Variants in JARID2 observed in about 807,000 individuals in gnomAD.
The protein encoded by JARID2 is jumonji and AT-rich interaction domain containing 2.
Under a neutral mutation model 125.6 loss-of-function variants are expected in JARID2, and 21 were observed. The observed-to-expected ratio is 0.17, with a 90% CI of 0.12 to 0.24. JARID2 has a LOEUF of 0.24. JARID2 is among the 10% of genes least tolerant of loss of function. The pLI is 1.00. For synonymous variants in JARID2, 736 were observed against 661.6 expected (o/e 1.11, Z -1.73); for missense variants, 1,303 against 1,639.6 (o/e 0.79, Z 3.55).
Position 15,401,216 on chromosome 6 carries a change from A to T in JARID2, c.182-9008A>T, listed in dbSNP as rs1765420883. 3.3e-5 allele frequency among the ~76,000 whole-genome samples: 5 copies of T among 152,096 alleles called. No individual in the cohort carries two copies. The South Asian group carries it at 8.3e-4, about 25-fold the overall frequency. ...GTGTTGCAATTTGCTTAATATTAAT[A>T]TTCTTTTAGCTTTGATATCCTCCCT... On this transcript the variant is annotated intron_variant, in intron 2 of 17. Coordinates refer to ENST00000341776, the MANE Select transcript of JARID2 (RefSeq NM_004973.4).
At chr6:15,395,224 A>T (rs1765173551) in intron 2 of JARID2, among the ~76,000 whole-genome samples, 1 of 152,158 alleles carries the variant, frequency 6.6e-6, no homozygotes, top group African/African-American at 2.4e-5. Context: ...TACTTTTGTC[A>T]GAGTCAGAAA....
Position 15,496,385 on chromosome 6 carries a change from G to T in JARID2, c.1160G>T (p.Arg387Leu). 6.2e-7 allele frequency: 1 copy of T among 1,614,086 alleles called. No homozygotes were observed. The highest frequency in any genetic ancestry group is 1.1e-5 in the South Asian group (1 of 91,090). The change falls in exon 7 of 18, where the codon CGC (arginine) becomes CTC (leucine). Residue 387 changes from arginine (R) to leucine (L), a missense_variant. Arg to Leu is a moderately radical substitution (Grantham distance 102). Coordinates refer to ENST00000341776, the MANE Select transcript of JARID2 (RefSeq NM_004973.4). The stretch of plus-strand genomic sequence containing the variant: ...ACTGAAAGTAGCAATGCAAAAACCC[G>T]CAAACAGGTGCTATCCCTCGGGGGG... ...GKTESSNAKTRKQVLSLGGAS... is the reference protein window; with the variant it reads ...GKTESSNAKTLKQVLSLGGAS...
intron 4 of JARID2, among the ~76,000 whole-genome samples, chr6:15,462,461 A>T (rs748686496): frequency 6.6e-6 from 1 of 152,256 alleles, no homozygotes; most frequent in Non-Finnish European, 1.5e-5. Flanking sequence ...TGATACATAC[A>T]TACGTAGATT....
chr6:15,365,479 CAGACGCAAAAG>C (rs1439527327), intron 1 of JARID2, among the ~76,000 whole-genome samples: 1 of 152,162 alleles, frequency 6.6e-6, no homozygotes, highest in East Asian at 1.9e-4. Flanking sequence ...CTGACATGCT[CAGACGCAAAAG>C]AGCTGACTTG....
chr6:15,517,769 A>C (rs1402008095), intron 17 of JARID2, among the ~76,000 whole-genome samples: 2 of 152,196 alleles, frequency 1.3e-5, no homozygotes, highest in Admixed American at 1.3e-4. Context: ...GGTCATAACA[A>C]CACACAGCCT....
intron 3 of JARID2, among the ~76,000 whole-genome samples, chr6:15,444,630 A>G (rs1175125810): frequency 6.6e-6 from 1 of 150,892 alleles, no homozygotes; most frequent in East Asian, 1.9e-4. Context: ...TTTTTTTTGA[A>G]TAGGCCTTTC....
At position 15,497,601 on chromosome 6, in the gene JARID2, A is replaced by C. The variant is rs1286424973; in HGVS notation, c.1945+431A>C. The stretch of plus-strand genomic sequence containing the variant: ...AGGAGGCGGAGCTTGCAGTGAGCCG[A>C]GATCACACCACTGCACTCCAGCCTG... On this transcript the variant is annotated intron_variant, in intron 7 of 17. Transcript: ENST00000341776. Among the ~76,000 whole-genome samples the C allele has an allele frequency of 4.0e-5, 6 of 150,624 alleles. No individual in the cohort carries two copies. The East Asian group carries it at 1.2e-3, about 30-fold the overall frequency.
intron 1 of JARID2, among the ~76,000 whole-genome samples, chr6:15,298,045 T>C (rs997019702): frequency 6.6e-6 from 1 of 152,226 alleles, no homozygotes; most frequent in African/African-American, 2.4e-5. Flanking sequence ...TCCTTTCCTC[T>C]TCTTAGGAGC....
Position 15,515,826 on chromosome 6 carries a change from C to T in JARID2, c.3451-1335C>T, listed in dbSNP as rs570476124. On this transcript the variant is annotated intron_variant, in intron 16 of 17. Coordinates refer to ENST00000341776, the MANE Select transcript of JARID2 (RefSeq NM_004973.4). The stretch of plus-strand genomic sequence containing the variant: ...ATCCCAGCACTTTGGGAGGCTGAGG[C>T]GGGCCAATCACAGCCTGGCCAACAT... Among the ~76,000 whole-genome samples, 271 of 151,524 alleles carry T rather than the reference C, an allele frequency of 1.8e-3. 3 individuals are homozygous for T. Among genetic ancestry groups the T allele is most frequent in the African/African-American group, 6.2e-3 (257 of 41,314 alleles).
chr6:15,380,987 G>C (rs1189413748), intron 2 of JARID2, among the ~76,000 whole-genome samples: 1 of 152,070 alleles, frequency 6.6e-6, no homozygotes, highest in Non-Finnish European at 1.5e-5. Context: ...TTCAGGTCTA[G>C]CTGTACTAGA....
At chr6:15,251,944 G>A (rs1298368026) in intron 1 of JARID2, among the ~76,000 whole-genome samples, 2 of 151,810 alleles carry the variant, frequency 1.3e-5, no homozygotes, top group Non-Finnish European at 2.9e-5. Flanking sequence ...CCTGGGAGGC[G>A]GAGGTTGCAG....
chr6:15,248,093 G>A (rs1032354930), intron 1 of JARID2: 3 of 985,314 alleles, frequency 3.0e-6, no homozygotes, highest in Non-Finnish European at 3.6e-6. Context: ...GCGTTCAGCG[G>A]ATCGTGTCTC....
At chr6:15,349,303 G>C (rs1387596789) in intron 1 of JARID2, among the ~76,000 whole-genome samples, 1 of 152,148 alleles carries the variant, frequency 6.6e-6, no homozygotes, top group African/African-American at 2.4e-5. Context: ...CATCTGGATG[G>C]AATTTTGTGG....
chr6:15,496,192 A>G lies in JARID2; in HGVS notation c.967A>G (p.Lys323Glu). The G allele has an allele frequency of 6.2e-7, 1 of 1,614,166 alleles. No individual in the cohort carries two copies. Among genetic ancestry groups the G allele is most frequent in the Non-Finnish European group, 8.5e-7 (1 of 1,180,032 alleles). ...TCTGGGTGCAGGTGTAACCAGTGCC[A>G]AAAAGATGCGCGAGGTCAGACCTTC... ...SSLGAGVTSA[K>E]KMREVRPSPS... The change falls in exon 7 of 18, where the codon AAA becomes GAA. Residue 323 changes from lysine to glutamate, a missense_variant. Transcript: ENST00000341776.
intron 12 of JARID2, among the ~76,000 whole-genome samples, chr6:15,510,979 T>C (rs552990263): frequency 6.6e-6 from 1 of 152,332 alleles, no homozygotes; most frequent in African/African-American, 2.4e-5. Flanking sequence ...TTCTGATTTC[T>C]AGGGGTTTGT....
At chr6:15,360,258 C>T (rs543061183) in intron 1 of JARID2, among the ~76,000 whole-genome samples, 8 of 152,056 alleles carry the variant, frequency 5.3e-5, no homozygotes, top group South Asian at 2.1e-4. Flanking sequence ...TCTCAGTTCA[C>T]GGCAATGCCT....
intron 1 of JARID2, among the ~76,000 whole-genome samples, chr6:15,373,513 G>A (rs1561820218): frequency 6.6e-6 from 1 of 152,186 alleles, no homozygotes; most frequent in African/African-American, 2.4e-5. Context: ...CATGCCAGTT[G>A]TATGCCGCCA....
At chr6:15,362,672 C>T (rs777781600) in intron 1 of JARID2, among the ~76,000 whole-genome samples, 26 of 151,972 alleles carry the variant, frequency 1.7e-4, no homozygotes, top group Non-Finnish European at 2.9e-4. Context: ...TTCTGGGGAG[C>T]CATGGAAAGG....
chr6:15,423,468 G>A (rs1234600612), intron 3 of JARID2, among the ~76,000 whole-genome samples: 4 of 152,192 alleles, frequency 2.6e-5, no homozygotes, highest in Non-Finnish European at 5.9e-5. Context: ...TTTGGATGGG[G>A]AATGTGGTTT....
Sources: allele counts gnomAD v4.1 joint callset (sites outside exome capture counted in the v4.1 genomes callset), GRCh38; gene constraint gnomAD v4.1.1; transcripts MANE v1.5; gene names NCBI Gene and HGNC (gene_info 2026-07-23, HGNC 2026-07-21).